The following PEX39 variants were observed in gnomAD, a reference collection of about 807,000 sequenced individuals.
PEX39 encodes peroxin-39.
the PEX39 span, chr6:42,890,575 G>C: frequency 1.6e-5 from 26 of 1,609,362 alleles, no homozygotes; most frequent in East Asian, 6.7e-5. Flanking sequence ...AGGGTCGGAG[G>C]GGGAAGGGAC....
the PEX39 span, chr6:42,890,488 G>A: frequency 6.6e-7 from 1 of 1,521,658 alleles, no homozygotes; most frequent in South Asian, 1.3e-5. Flanking sequence ...GAACCTCAGG[G>A]GCCCACTGTA....
chr6:42,890,530 C>G, the PEX39 span: 4 of 1,575,890 alleles, frequency 2.5e-6, no homozygotes, highest in Non-Finnish European at 3.5e-6. Context: ...GCTGCCTCAA[C>G]CAAGCCAGGC....
the PEX39 span, chr6:42,890,406 A>G: frequency 7.2e-7 from 1 of 1,394,018 alleles, no homozygotes; most frequent in Non-Finnish European, 9.6e-7. Flanking sequence ...ACGAAAGCAT[A>G]AAAGATGAGT....
At chr6:42,890,789 G>C in the PEX39 span, 1 of 1,567,906 alleles carries the variant, frequency 6.4e-7, no homozygotes, top group Non-Finnish European at 8.7e-7. Context: ...GACGCTCCAT[G>C]TCGGGTCGCG....
the PEX39 span, chr6:42,890,520 G>A: frequency 6.4e-7 from 1 of 1,561,472 alleles, no homozygotes; most frequent in Non-Finnish European, 8.7e-7. Flanking sequence ...AGGCGCAGTC[G>A]CTGCCTCAAC....
the PEX39 span, chr6:42,890,500 G>A: frequency 6.5e-7 from 1 of 1,545,770 alleles, no homozygotes; most frequent in Non-Finnish European, 8.8e-7. Flanking sequence ...CCCACTGTAT[G>A]CCATGAAGAA....
At chr6:42,890,494 C>T in the PEX39 span, 72 of 1,537,468 alleles carry the variant, frequency 4.7e-5, no homozygotes, top group Non-Finnish European at 5.9e-5. Context: ...CAGGGGCCCA[C>T]TGTATGCCAT....
chr6:42,890,381 T>C, the PEX39 span: 1 of 1,177,042 alleles, frequency 8.5e-7, no homozygotes, highest in Non-Finnish European at 1.1e-6. Flanking sequence ...GCAAGTCTAG[T>C]TGAGACAGGT....
chr6:42,890,716 G>A, the PEX39 span: 7 of 1,611,526 alleles, frequency 4.3e-6, no homozygotes, highest in Admixed American at 1.7e-5. Context: ...ACCAGCTGCA[G>A]GAGCTGCGCC....
At chr6:42,890,357 T>G in the PEX39 span, 2 of 839,304 alleles carry the variant, frequency 2.4e-6, no homozygotes, top group Non-Finnish European at 3.4e-6. Flanking sequence ...AAAACCCCCA[T>G]GGTGGTTGCA....
At chr6:42,890,537 A>T in the PEX39 span, 1 of 1,582,410 alleles carries the variant, frequency 6.3e-7, no homozygotes, top group Non-Finnish European at 8.6e-7. Flanking sequence ...CAACCAAGCC[A>T]GGCTCCGCCG....
At chr6:42,890,572 G>A in the PEX39 span, 1 of 1,609,226 alleles carries the variant, frequency 6.2e-7, no homozygotes, top group Non-Finnish European at 8.5e-7. Context: ...CTGAGGGTCG[G>A]AGGGGGAAGG....
chr6:42,890,642 G>T, the PEX39 span: 1 of 1,612,804 alleles, frequency 6.2e-7, no homozygotes, highest in East Asian at 2.2e-5. Context: ...GGGACGCTGT[G>T]GGTTCGCCGT....
the PEX39 span, chr6:42,890,439 T>C: frequency 1.3e-6 from 2 of 1,487,880 alleles, no homozygotes; most frequent in Non-Finnish European, 1.8e-6. Context: ...TCCCGGGTCC[T>C]GTAGCCACGC....
chr6:42,890,682 C>A, the PEX39 span: 1 of 1,612,828 alleles, frequency 6.2e-7, no homozygotes, highest in South Asian at 1.1e-5. Flanking sequence ...TTTCTCCAGG[C>A]CCGGGAGTTC....
At chr6:42,890,817 A>G in the PEX39 span, 2 of 1,544,670 alleles carry the variant, frequency 1.3e-6, no homozygotes, top group East Asian at 2.3e-5. Flanking sequence ...ACCGGCGTGT[A>G]ATGCAGAGAA....
At chr6:42,890,510 A>C in the PEX39 span, 1 of 1,551,828 alleles carries the variant, frequency 6.4e-7, no homozygotes, top group Non-Finnish European at 8.7e-7. Flanking sequence ...GCCATGAAGA[A>C]GGCGCAGTCG....
At chr6:42,890,549 G>T in the PEX39 span, 5 of 1,592,956 alleles carry the variant, frequency 3.1e-6, no homozygotes, top group Non-Finnish European at 4.3e-6. Context: ...GCTCCGCCGG[G>T]GCCGTTCCTA....
At chr6:42,890,589 G>A in the PEX39 span, 1 of 1,611,692 alleles carries the variant, frequency 6.2e-7, no homozygotes, top group Non-Finnish European at 8.5e-7. Context: ...AAGGGACTCA[G>A]CCAAAGCCGC....
Sources: allele counts gnomAD v4.1 joint callset, GRCh38; gene constraint gnomAD v4.1.1; transcripts MANE v1.5; gene names NCBI Gene and HGNC (gene_info 2026-07-23, HGNC 2026-07-21).